The following LPP variants were observed in gnomAD, a reference collection of about 807,000 sequenced individuals.
LPP encodes LIM domain containing preferred translocation partner in lipoma.
In LPP, 38 loss-of-function variants were observed where a neutral mutation model predicts 60.4. That is an observed-to-expected ratio of 0.63 (90% CI 0.49 to 0.83). The LOEUF (loss-of-function observed/expected upper bound fraction) is 0.83, where lower values mean the gene tolerates loss of function less well. LPP is among the 40% of genes least tolerant of loss of function. The probability of loss-of-function intolerance (pLI) is 0.00; values close to 1 mark genes in which losing one functional copy is unlikely to be tolerated. For synonymous variants in LPP, 328 were observed against 290.8 expected, an observed-to-expected ratio of 1.13 and a Z score of -1.30; for missense variants, 902 against 783.6, an observed-to-expected ratio of 1.15 and a Z score of -1.80.
chr3:188,740,118 A>G (rs79145246), intron 8 of LPP, among the ~76,000 whole-genome samples: 297 of 152,204 alleles, frequency 2.0e-3, no homozygotes, highest in African/African-American at 6.9e-3. Context: ...ACTGTATGGC[A>G]AGAAGGGAGC....
chr3:188,592,344 A>T (rs1838897850), intron 6 of LPP, among the ~76,000 whole-genome samples: 1 of 152,014 alleles, frequency 6.6e-6, no homozygotes, highest in African/African-American at 2.4e-5. Flanking sequence ...CAAAACACAC[A>T]CGCACACAGT....
At chr3:188,670,325 A>G (rs1351433753) in intron 7 of LPP, among the ~76,000 whole-genome samples, 4 of 152,200 alleles carry the variant, frequency 2.6e-5, no homozygotes, top group Non-Finnish European at 5.9e-5. Context: ...ACATGCCCTG[A>G]ATCTTCCAGT....
At chr3:188,385,482 GCTTTCTGAA>G (rs995270932) in intron 3 of LPP, among the ~76,000 whole-genome samples, 4 of 152,112 alleles carry the variant, frequency 2.6e-5, no homozygotes, top group African/African-American at 9.7e-5. Context: ...GACTTGCTGT[GCTTTCTGAA>G]CTTACGTAAG....
At chr3:188,359,118 T>C (rs543577914) in intron 3 of LPP, among the ~76,000 whole-genome samples, 27 of 152,276 alleles carry the variant, frequency 1.8e-4, no homozygotes, top group Non-Finnish European at 3.4e-4. Context: ...CTGGACTAAT[T>C]TGTGTAAACT....
intron 4 of LPP, among the ~76,000 whole-genome samples, chr3:188,472,246 T>C (rs1802033227): frequency 6.6e-6 from 1 of 152,190 alleles, no homozygotes; most frequent in South Asian, 2.1e-4. Context: ...TAAGAGACTT[T>C]TAGAATGATT....
At chr3:188,382,583 T>TC (rs1434188182) in intron 3 of LPP, among the ~76,000 whole-genome samples, 1 of 152,224 alleles carries the variant, frequency 6.6e-6, no homozygotes, top group African/African-American at 2.4e-5. Context: ...GTTTGTTTTT[T>TC]CCCACTCTCT....
chr3:188,871,629 A>G (rs16863662), intron 10 of LPP, among the ~76,000 whole-genome samples: 68,815 of 152,034 alleles, frequency 0.45, 16,223 homozygotes, highest in Non-Finnish European at 0.52. Context: ...CGTTTATCTT[A>G]AAACCAGTAC....
At chr3:188,278,497 T>C (rs1740801627) in intron 2 of LPP, among the ~76,000 whole-genome samples, 1 of 152,180 alleles carries the variant, frequency 6.6e-6, no homozygotes, top group Admixed American at 6.5e-5. Flanking sequence ...CTGAATCGAC[T>C]CTCAAGGCTG....
At chr3:188,340,346 A>G (rs1306641852) in intron 2 of LPP, among the ~76,000 whole-genome samples, 1 of 150,576 alleles carries the variant, frequency 6.6e-6, no homozygotes, top group Non-Finnish European at 1.5e-5. Context: ...TAATGTTTTC[A>G]TTTGGTGGTA....
At chr3:188,159,904 TG>T (rs1004574159) in intron 1 of LPP, among the ~76,000 whole-genome samples, 18 of 82,182 alleles carry the variant, frequency 2.2e-4, no homozygotes, top group African/African-American at 6.7e-4. Context: ...AGTATTTTTT[TG>T]TTTGTTTGTT....
chr3:188,197,272 T>A (rs2138523), intron 1 of LPP, among the ~76,000 whole-genome samples: 66,000 of 151,868 alleles, frequency 0.43, 15,244 homozygotes, highest in Non-Finnish European at 0.53. Context: ...TGCCATGTTC[T>A]GCAGGACTGA....
rs78442213 is a variant in LPP at position 188,351,281 on chromosome 3, G to A, written c.-10+9562G>A. ...GAGACTTATAGGCTTAAAGAATTTC[G>A]GAACTGGAAAGGAAGTTAAAACCTA... On this transcript the variant is annotated intron_variant, in intron 3 of 11. Coordinates refer to ENST00000617246, the MANE Select transcript of LPP (RefSeq NM_001375462.1). Among the ~76,000 whole-genome samples, 1,135 of 152,056 alleles carry A rather than the reference G, an allele frequency of 7.5e-3. 16 individuals are homozygous for A. The highest frequency in any genetic ancestry group is 0.046 in the South Asian group (223 of 4,816).
At chr3:188,506,623 G>T (rs1813533917) in intron 5 of LPP, among the ~76,000 whole-genome samples, 1 of 152,160 alleles carries the variant, frequency 6.6e-6, no homozygotes, top group Non-Finnish European at 1.5e-5. Context: ...AATTTCTTAA[G>T]TGAACTGTTC....
chr3:188,480,761 G>C (rs1346379760), intron 4 of LPP, among the ~76,000 whole-genome samples: 1 of 152,192 alleles, frequency 6.6e-6, no homozygotes, highest in African/African-American at 2.4e-5. Context: ...ACAGAATCTG[G>C]GAGGCAAGGC....
chr3:188,512,765 G>C (rs941303764), intron 5 of LPP, among the ~76,000 whole-genome samples: 32 of 152,018 alleles, frequency 2.1e-4, no homozygotes, highest in Admixed American at 1.9e-3. Context: ...AAAATGATGA[G>C]CTAATGTATA....
At chr3:188,246,406 C>T (rs1413972878) in intron 2 of LPP, among the ~76,000 whole-genome samples, 2 of 152,166 alleles carry the variant, frequency 1.3e-5, no homozygotes, top group African/African-American at 4.8e-5. Flanking sequence ...ACACTCTCTG[C>T]CCCTTCTCAT....
In LPP at chr3:188,884,801, T is replaced by C. The variant is rs962729418; in HGVS notation, c.*10322T>C. The C allele has an allele frequency of 8.9e-6, 2 of 225,708 alleles. No homozygotes were observed. Among genetic ancestry groups the C allele is most frequent in the Non-Finnish European group, 1.8e-5 (2 of 113,378 alleles). The allele number at this position is 225,708 out of a possible 1,614,324, so 14.0% of individuals were successfully genotyped here. On this transcript the variant is annotated 3_prime_UTR_variant, in exon 12 of 12. Transcript: ENST00000617246. Reference sequence around the variant, plus strand: ...TTTAGTCTTTCTCTCCATTCACATTTACTGAGAGCACACCACGTGCATGTT... The same window carrying C: ...TTTAGTCTTTCTCTCCATTCACATTCACTGAGAGCACACCACGTGCATGTT...
Position 188,879,771 on chromosome 3 carries a change from A to G in LPP, c.*5292A>G. 5.5e-6 allele frequency: 1 copy of G among 181,328 alleles called. No individual in the cohort carries two copies. Among genetic ancestry groups the G allele is most frequent in the Non-Finnish European group, 1.2e-5 (1 of 84,778 alleles). The allele number at this position is 181,328 out of a possible 1,614,324, so 11.2% of individuals were successfully genotyped here. ...TATTTTCAGAATTTTAACACAGATT[A>G]ACACTTAGCCTGTAAGACTAATAAT... On this transcript the variant is annotated 3_prime_UTR_variant, in exon 12 of 12. Transcript: ENST00000617246.
chr3:188,837,979 C>T (rs574853601), intron 9 of LPP, among the ~76,000 whole-genome samples: 1 of 151,976 alleles, frequency 6.6e-6, no homozygotes, highest in South Asian at 2.1e-4. Context: ...AACTTTGGGC[C>T]ATAGATTGCT....
Sources: gnomAD v4.1 joint callset for allele counts (sites outside exome capture counted in the v4.1 genomes callset) on GRCh38, gnomAD v4.1.1 for gene constraint, MANE v1.5 for transcripts, NCBI Gene and HGNC (gene_info 2026-07-23, HGNC 2026-07-21) for gene names.